Variants in INPP5A observed in about 807,000 individuals in gnomAD.
INPP5A encodes the protein inositol polyphosphate-5-phosphatase A, also known as 43 kDa inositol polyphosphate 5-phophatase.
In INPP5A, 14 loss-of-function variants were observed where a neutral mutation model predicts 65.2. That is an observed-to-expected ratio of 0.21 (90% confidence interval 0.14 to 0.34). INPP5A has a LOEUF of 0.34. Among genes scored for constraint, INPP5A ranks in the 10% least tolerant of loss-of-function variants. The probability of loss-of-function intolerance (pLI) is 1.00; values close to 1 mark genes in which losing one functional copy is unlikely to be tolerated. For missense variants in INPP5A, 431 were observed against 545.6 expected, an observed-to-expected ratio of 0.79 and a Z score of 2.09; for synonymous variants, 207 against 208.3, an observed-to-expected ratio of 0.99 and a Z score of 0.05.
chr10:132,645,439 CGCACACGTAT>C (rs895502719), intron 2 of INPP5A, among the ~76,000 whole-genome samples: 48 of 152,364 alleles, frequency 3.2e-4, no homozygotes, highest in African/African-American at 1.1e-3. Flanking sequence ...TACGTGCTCC[CGCACACGTAT>C]GCACACGTGT....
intron 12 of INPP5A, among the ~76,000 whole-genome samples, chr10:132,768,517 G>A (rs1339111140): frequency 6.6e-6 from 1 of 152,266 alleles, no homozygotes. Context: ...CCCTGGCGGG[G>A]GGTCCCGAGT....
At position 132,782,628 on chromosome 10, in the gene INPP5A, T is replaced by C. The variant is rs907303107; in HGVS notation, c.*599T>C. The stretch of plus-strand genomic sequence containing the variant: ...TAAATATATATAAATATATACTTTT[T>C]AAAAATAATTTATAAATCTTACCAA... On this transcript the variant is annotated 3_prime_UTR_variant, in exon 16 of 16. Coordinates refer to ENST00000368594, the MANE Select transcript of INPP5A (RefSeq NM_005539.5). The surrounding 1 kb of genome is among the most constrained non-coding windows in gnomAD (Gnocchi z 4.4). 15 of 150,954 alleles carry C rather than the reference T, an allele frequency of 9.9e-5. No homozygotes were observed. The highest frequency in any genetic ancestry group is 1.9e-4 in the Non-Finnish European group (13 of 67,818). The allele number at this position is 150,954 out of a possible 1,614,324, so 9.4% of individuals were successfully genotyped here.
chr10:132,775,156 AGAGAGGGG>A (rs1847036838), intron 12 of INPP5A, among the ~76,000 whole-genome samples: 2 of 50,124 alleles, frequency 4.0e-5, no homozygotes, highest in South Asian at 1.1e-3. Context: ...GGCAGGGAGG[AGAGAGGGG>A]CAGAGAGGAG....
chr10:132,708,186 C>T lies in INPP5A; in HGVS notation c.475-127C>T. On this transcript the variant is annotated intron_variant, in intron 6 of 15. Coordinates refer to ENST00000368594, the MANE Select transcript of INPP5A (RefSeq NM_005539.5). ...TCGGTTCTCTTTAGTGGGGCGGCAT[C>T]AGTGCCGGAAGAGCCCTGCTGTTTT... The T allele has an allele frequency of 6.6e-6, 5 of 759,792 alleles. No homozygotes were observed. In the South Asian group the frequency reaches 8.4e-5, roughly 13 times the overall value. The allele number at this position is 759,792 out of a possible 1,614,324, so 47.1% of individuals were successfully genotyped here.
chr10:132,619,229 G>T (rs1392355277), intron 2 of INPP5A, among the ~76,000 whole-genome samples: 4 of 152,212 alleles, frequency 2.6e-5, no homozygotes, highest in Non-Finnish European at 5.9e-5. Context: ...AAACATTTCT[G>T]CTTCAAAAGG....
intron 8 of INPP5A, among the ~76,000 whole-genome samples, chr10:132,719,580 T>G: frequency 6.8e-6 from 1 of 147,586 alleles, no homozygotes; most frequent in Non-Finnish European, 1.5e-5. Context: ...GACGGCTGTC[T>G]TGCGGGTTCT....
At chr10:132,781,791 G>A (rs1032733583) in intron 14 of INPP5A, 70 bp from the exon 15 acceptor site, 18 of 1,293,196 alleles carry the variant, frequency 1.4e-5, no homozygotes, top group Middle Eastern at 2.3e-4. Flanking sequence ...GGGGTGCAAC[G>A]GGAGGCGGCG....
At chr10:132,541,369 CCT>C (rs1327255284) in intron 1 of INPP5A, among the ~76,000 whole-genome samples, 1 of 152,120 alleles carries the variant, frequency 6.6e-6, no homozygotes, top group Non-Finnish European at 1.5e-5. Flanking sequence ...CTCAGCAGCC[CCT>C]GTTTGCTCAT....
At chr10:132,713,644 T>A (rs757640517) in intron 8 of INPP5A, among the ~76,000 whole-genome samples, 16 of 152,132 alleles carry the variant, frequency 1.1e-4, no homozygotes, top group Non-Finnish European at 2.2e-4. Flanking sequence ...GCCACTAGCC[T>A]GGTCCCGGGG....
chr10:132,723,646 C>T (rs1205698261), intron 8 of INPP5A, among the ~76,000 whole-genome samples: 3 of 142,734 alleles, frequency 2.1e-5, no homozygotes, highest in Admixed American at 6.9e-5. Flanking sequence ...GGGGATTGGC[C>T]ATGTGGGGAT....
At chr10:132,662,443 G>C (rs753408704) in intron 4 of INPP5A, among the ~76,000 whole-genome samples, 1 of 152,212 alleles carries the variant, frequency 6.6e-6, no homozygotes, top group Non-Finnish European at 1.5e-5. Flanking sequence ...GTACACCGTG[G>C]TGTGTCAGCT....
chr10:132,674,716 G>T lies in INPP5A; in HGVS notation c.307-15676G>T, dbSNP rs1049271202. On this transcript the variant is annotated intron_variant, in intron 4 of 15. Coordinates refer to ENST00000368594, the MANE Select transcript of INPP5A (RefSeq NM_005539.5). The surrounding 1 kb of genome is among the most constrained non-coding windows in gnomAD (Gnocchi z 4.4). Reference sequence around the variant, plus strand: ...CATGACCCACTTCATGGCTAGATGGGTCAGAAAGCACCCAGTTCATGACAT... The same window carrying T: ...CATGACCCACTTCATGGCTAGATGGTTCAGAAAGCACCCAGTTCATGACAT... Among the ~76,000 whole-genome samples, 1 of 152,126 alleles carries T rather than the reference G, an allele frequency of 6.6e-6. No individual in the cohort carries two copies. The highest frequency in any genetic ancestry group is 1.9e-4 in the East Asian group (1 of 5,204).
intron 8 of INPP5A, among the ~76,000 whole-genome samples, chr10:132,711,733 C>CT (rs903991915): frequency 6.6e-6 from 1 of 152,254 alleles, no homozygotes; most frequent in Non-Finnish European, 1.5e-5. Flanking sequence ...CCACACCTGT[C>CT]TTAGCCTGGA....
intron 4 of INPP5A, among the ~76,000 whole-genome samples, chr10:132,673,113 C>A (rs2072914745): frequency 6.6e-6 from 1 of 152,182 alleles, no homozygotes; most frequent in African/African-American, 2.4e-5. Context: ...CCTTGATAGA[C>A]CAGATCAATC....
intron 9 of INPP5A, among the ~76,000 whole-genome samples, chr10:132,729,544 A>C (rs1234581890): frequency 2.0e-5 from 3 of 152,166 alleles, no homozygotes; most frequent in African/African-American, 7.2e-5. Flanking sequence ...TTCCAGTTTC[A>C]GGTCTGGGAC....
At chr10:132,693,044 C>T (rs1456833327) in intron 5 of INPP5A, among the ~76,000 whole-genome samples, 3 of 152,198 alleles carry the variant, frequency 2.0e-5, no homozygotes, top group Non-Finnish European at 4.4e-5. Flanking sequence ...TTGGGGTACT[C>T]TGTTATAAGA....
chr10:132,728,694 C>T (rs58994398), intron 9 of INPP5A, among the ~76,000 whole-genome samples: 299 of 152,338 alleles, frequency 2.0e-3, no homozygotes, highest in African/African-American at 6.8e-3. Flanking sequence ...CAATCCCGGG[C>T]GCCCAGCAAT....
At chr10:132,773,448 G>A (rs1233476762) in intron 12 of INPP5A, among the ~76,000 whole-genome samples, 1 of 152,224 alleles carries the variant, frequency 6.6e-6, no homozygotes, top group African/African-American at 2.4e-5. Context: ...CTCTTTAATG[G>A]ACACATATAT....
At chr10:132,737,740 A>G (rs1846203072) in intron 9 of INPP5A, among the ~76,000 whole-genome samples, 1 of 152,274 alleles carries the variant, frequency 6.6e-6, no homozygotes, top group South Asian at 2.1e-4. Context: ...GTCTTGGTGT[A>G]AAATAGCAAT....
Sources: gnomAD v4.1 joint callset for allele counts (sites outside exome capture counted in the v4.1 genomes callset) on GRCh38, gnomAD v4.1.1 for gene constraint, Gnocchi (gnomAD v3.1) non-coding constraint, MANE v1.5 for transcripts, NCBI Gene and HGNC (gene_info 2026-07-23, HGNC 2026-07-21) for gene names.